The following AP4E1 variants were observed in gnomAD, a reference collection of about 807,000 sequenced individuals.
AP4E1 encodes adaptor related protein complex 4 subunit epsilon 1.
AP4E1 carries 56 observed loss-of-function variants against 128.2 expected under a neutral mutation model. That is an observed-to-expected ratio of 0.44 (90% CI 0.35 to 0.55). The LOEUF (loss-of-function observed/expected upper bound fraction) is 0.55. Among genes scored for constraint, AP4E1 ranks in the 20% least tolerant of loss-of-function variants. The probability of loss-of-function intolerance (pLI) is 0.00; values close to 1 mark genes in which losing one functional copy is unlikely to be tolerated. For synonymous variants in AP4E1, 484 were observed against 473.1 expected (o/e 1.02, Z -0.30); for missense variants, 1,324 against 1,307.7 (o/e 1.01, Z -0.19).
chr15:51,001,795 A>G (rs973648172), intron 20 of AP4E1, among the ~76,000 whole-genome samples: 1 of 152,226 alleles, frequency 6.6e-6, no homozygotes, highest in African/African-American at 2.4e-5. Context: ...AAGGTTATAC[A>G]AATACCTGTT....
chr15:50,958,904 T>A, intron 14 of AP4E1, 110 bp downstream of exon 14: 2 of 1,188,492 alleles, frequency 1.7e-6, no homozygotes, highest in African/African-American at 1.5e-5. Context: ...CTGTAGCATT[T>A]AAGGTGAATG....
rs528036683 is a variant in AP4E1 at position 50,924,128 on chromosome 15, A to G, written c.420+124A>G. The G allele has an allele frequency of 2.4e-5, 17 of 721,990 alleles. No homozygotes were observed. The African/African-American group carries it at 3.0e-4, about 13-fold the overall frequency. 44.7% of individuals were successfully genotyped at this position (721,990 alleles called of 1,614,324 possible). ...GGGCTTGCAGAATGGGCTTAGAAGA[A>G]TCTTTTAGATCAGTTTCTGCATCTA... On this transcript the variant is annotated intron_variant, in intron 4 of 20. Coordinates refer to ENST00000261842, the MANE Select transcript of AP4E1 (RefSeq NM_007347.5).
In AP4E1 at chr15:50,948,078, A is replaced by C. The variant is rs2064087728; in HGVS notation, c.1235A>C (p.Lys412Thr). ...NAQNITVIVQ[K>T]MLEYLHQSKE... The stretch of plus-strand genomic sequence containing the variant: ...CAGAATATAACAGTTATTGTCCAGA[A>C]AATGCTTGAATATTTACATCAGAGC... Residue 412 changes from lysine to threonine, a missense_variant, in exon 11 of 21, where the codon AAA becomes ACA. Transcript: ENST00000261842. 6.2e-6 allele frequency: 10 copies of C among 1,613,258 alleles called. No individual in the cohort carries two copies. The highest frequency in any genetic ancestry group is 8.5e-6 in the Non-Finnish European group (10 of 1,179,298).
intron 17 of AP4E1, among the ~76,000 whole-genome samples, chr15:50,995,540 C>T (rs1337635013): frequency 1.3e-5 from 2 of 151,938 alleles, no homozygotes; most frequent in Non-Finnish European, 2.9e-5. Flanking sequence ...CATGTGCCAC[C>T]ACGCCGAGCT....
intron 3 of AP4E1, among the ~76,000 whole-genome samples, chr15:50,918,782 G>T (rs747820773): frequency 2.0e-5 from 3 of 152,090 alleles, no homozygotes; most frequent in Non-Finnish European, 2.9e-5. Context: ...ATACTATATA[G>T]ATTATTCTAT....
At chr15:50,928,033 C>G (rs1002670736) in intron 5 of AP4E1, among the ~76,000 whole-genome samples, 6 of 152,224 alleles carry the variant, frequency 3.9e-5, no homozygotes, top group African/African-American at 1.2e-4. Context: ...ATTTTTGCTT[C>G]TGTGTGCTAG....
intron 16 of AP4E1, 121 bp downstream of exon 16, chr15:50,984,266 C>A: frequency 8.1e-7 from 1 of 1,229,086 alleles, no homozygotes; most frequent in Non-Finnish European, 1.2e-6. Flanking sequence ...TTTAGGATAA[C>A]TTTCAAGAGG....
At chr15:50,999,398 G>A (rs1003363435) in intron 19 of AP4E1, 136 bp downstream of exon 19, 22 of 663,268 alleles carry the variant, frequency 3.3e-5, no homozygotes, top group Non-Finnish European at 5.6e-5. Flanking sequence ...CTACGTTAGA[G>A]GAATTTCTAG....
At chr15:50,927,431 A>G (rs570086863) in intron 5 of AP4E1, among the ~76,000 whole-genome samples, 4 of 151,832 alleles carry the variant, frequency 2.6e-5, no homozygotes, top group South Asian at 2.1e-4. Context: ...CAGCATACCA[A>G]CCCCAGAGCC....
At chr15:50,983,597 G>A (rs1021800421) in intron 15 of AP4E1, among the ~76,000 whole-genome samples, 9 of 152,102 alleles carry the variant, frequency 5.9e-5, no homozygotes, top group African/African-American at 2.2e-4. Context: ...TTTACGTTGA[G>A]GACTCTATCA....
intron 4 of AP4E1, 48 bp downstream of exon 4, chr15:50,924,052 A>G (rs766146810): frequency 6.9e-7 from 1 of 1,455,374 alleles, no homozygotes; most frequent in Non-Finnish European, 9.6e-7. Context: ...TCTTGTCAGC[A>G]CCTGATATTT....
At chr15:50,932,826 G>A (rs987651728) in intron 7 of AP4E1, among the ~76,000 whole-genome samples, 4 of 152,184 alleles carry the variant, frequency 2.6e-5, no homozygotes, top group African/African-American at 4.8e-5. Context: ...CAGTGAAAAC[G>A]TAAGGTGATG....
At chr15:50,986,942 C>T (rs1478162160) in intron 16 of AP4E1, among the ~76,000 whole-genome samples, 1 of 152,060 alleles carries the variant, frequency 6.6e-6, no homozygotes, top group Non-Finnish European at 1.5e-5. Context: ...TGGTCCTGGA[C>T]TTTTTTTGGT....
At chr15:50,929,517 AC>A (rs1413202301) in intron 6 of AP4E1, among the ~76,000 whole-genome samples, 2 of 152,022 alleles carry the variant, frequency 1.3e-5, no homozygotes, top group African/African-American at 4.8e-5. Flanking sequence ...AATGAGGAAA[AC>A]CAGCGGGGGT....
intron 3 of AP4E1, among the ~76,000 whole-genome samples, chr15:50,916,653 T>C (rs1288111034): frequency 6.6e-6 from 1 of 152,176 alleles, no homozygotes; most frequent in Admixed American, 6.5e-5. Context: ...TGAGACTGAG[T>C]GCACACAATA....
At chr15:50,940,759 T>C (rs898579131) in intron 8 of AP4E1, among the ~76,000 whole-genome samples, 2 of 152,210 alleles carry the variant, frequency 1.3e-5, no homozygotes, top group African/African-American at 4.8e-5. Context: ...TCCATTTTGA[T>C]CATTCACTTT....
intron 15 of AP4E1, among the ~76,000 whole-genome samples, chr15:50,971,467 C>T (rs1410207945): frequency 6.6e-6 from 1 of 152,060 alleles, no homozygotes; most frequent in Non-Finnish European, 1.5e-5. Flanking sequence ...TTTGAGCTTC[C>T]TGGACTAGGA....
At chr15:50,987,026 T>C (rs2064736564) in intron 16 of AP4E1, among the ~76,000 whole-genome samples, 1 of 152,256 alleles carries the variant, frequency 6.6e-6, no homozygotes, top group African/African-American at 2.4e-5. Flanking sequence ...TTCTTCCTGG[T>C]TTAGCCTTGG....
intron 15 of AP4E1, among the ~76,000 whole-genome samples, chr15:50,980,526 G>A (rs937391103): frequency 5.9e-5 from 9 of 152,178 alleles, no homozygotes; most frequent in Admixed American, 3.3e-4. Flanking sequence ...ATGTATTTGG[G>A]AGACCAGGCC....
Sources: gnomAD v4.1 joint callset for allele counts (sites outside exome capture counted in the v4.1 genomes callset) on GRCh38, gnomAD v4.1.1 for gene constraint, MANE v1.5 for transcripts, NCBI Gene and HGNC (gene_info 2026-07-23, HGNC 2026-07-21) for gene names.